The following GPR19 variants were observed in gnomAD, a reference collection of about 807,000 sequenced individuals.
GPR19 encodes the protein probable G protein-coupled receptor 19.
Under a neutral mutation model 28.5 loss-of-function variants are expected in GPR19, and 14 were observed. That is an observed-to-expected ratio of 0.49 (90% CI 0.32 to 0.77). The LOEUF (loss-of-function observed/expected upper bound fraction) is 0.77. Among genes scored for constraint, GPR19 ranks in the 30% least tolerant of loss-of-function variants. The pLI, the probability that GPR19 is intolerant of heterozygous loss-of-function variation, is 0.03. For synonymous variants in GPR19, 173 were observed against 184.1 expected (o/e 0.94, Z 0.49); for missense variants, 409 against 504.1 (o/e 0.81, Z 1.81).
the GPR19 span, among the ~76,000 whole-genome samples, chr12:12,708,088 C>T: frequency 8.1e-5 from 12 of 147,894 alleles, no homozygotes; most frequent in African/African-American, 3.0e-4. Context: ...CAGCCTCAAC[C>T]TCCCTGGCTC....
chr12:12,671,597 C>T (rs1945856103), intron 3 of GPR19, among the ~76,000 whole-genome samples: 1 of 152,146 alleles, frequency 6.6e-6, no homozygotes, highest in South Asian at 2.1e-4. Context: ...GATATGCTTT[C>T]ATGGGAACAT....
chr12:12,699,690 T>G (rs12827030), upstream of GPR19, among the ~76,000 whole-genome samples: 713 of 152,172 alleles, frequency 4.7e-3, 4 homozygotes, highest in Non-Finnish European at 7.3e-3. Context: ...AAGGGCAAAT[T>G]TGGTTTGTGA....
the GPR19 span, chr12:12,716,932 C>A: frequency 1.0e-6 from 1 of 985,120 alleles, no homozygotes; most frequent in Non-Finnish European, 1.2e-6. Context: ...GGGGGCAGCT[C>A]GCCACCCCGG....
At chr12:12,674,570 G>C (rs1467775551) in intron 3 of GPR19, among the ~76,000 whole-genome samples, 1 of 152,180 alleles carries the variant, frequency 6.6e-6, no homozygotes, top group African/African-American at 2.4e-5. Context: ...GAGAGCAAGA[G>C]AGAAAAAGTT....
chr12:12,706,028 G>C, the GPR19 span, among the ~76,000 whole-genome samples: 1 of 152,192 alleles, frequency 6.6e-6, no homozygotes, highest in Admixed American at 6.5e-5. Flanking sequence ...CTGGTTTCCT[G>C]ATCAGAACCC....
At chr12:12,665,033 C>T (rs1414625106) in intron 3 of GPR19, among the ~76,000 whole-genome samples, 1 of 150,892 alleles carries the variant, frequency 6.6e-6, no homozygotes, top group Non-Finnish European at 1.5e-5. Context: ...ATCATCTTTT[C>T]GCCTTCATGT....
At chr12:12,697,162 A>AAAAG (rs938095375), upstream of GPR19, among the ~76,000 whole-genome samples, 2 of 148,254 alleles carry the variant, frequency 1.3e-5, no homozygotes, top group African/African-American at 4.9e-5. Flanking sequence ...GTAAAAAAAA[A>AAAAG]AAAAAAAAAA....
the GPR19 span, chr12:12,715,138 A>C: frequency 6.6e-6 from 1 of 152,214 alleles, no homozygotes; most frequent in Admixed American, 6.5e-5. Flanking sequence ...ATTTACATAC[A>C]TGTGGTAGTT....
At position 12,682,552 on chromosome 12, in the gene GPR19, C is replaced by T. The variant is rs151007024; in HGVS notation, c.-23+1799G>A. Among the ~76,000 whole-genome samples the T allele has an allele frequency of 8.4e-3, 1,286 of 152,268 alleles. 61 individuals are homozygous for T. Among genetic ancestry groups the T allele is most frequent in the Admixed American group, 0.073 (1,116 of 15,286 alleles). On this transcript the variant is annotated intron_variant, in intron 3 of 3. Coordinates refer to ENST00000651487, the MANE Select transcript of GPR19 (RefSeq NM_006143.3). Reference sequence around the variant, plus strand: ...AATCCAAAGAGGAAAGGATACCATCCCTCAAGAAGCTCACTTCATGTGACT... The same window carrying T: ...AATCCAAAGAGGAAAGGATACCATCTCTCAAGAAGCTCACTTCATGTGACT...
At position 12,662,461 on chromosome 12, in the gene GPR19, T is replaced by TC. The variant is rs753769751; in HGVS notation, c.-14dup. ...GAGCAAAAACCATATTCACTTTTTT[T>TC]CTCTTAATTCTGGTTGGGGAAAAGA... is the stretch of plus-strand genomic sequence containing the variant. On this transcript the variant is annotated 5_prime_UTR_variant, in exon 4 of 4. An upstream open reading frame in the 5' UTR loses its in-frame stop. Coordinates refer to ENST00000651487, the MANE Select transcript of GPR19 (RefSeq NM_006143.3). 5.0e-6 allele frequency: 8 copies of TC among 1,608,678 alleles called. No homozygotes were observed. The highest frequency in any genetic ancestry group is 2.2e-5 in the East Asian group (1 of 44,796).
intron 3 of GPR19, among the ~76,000 whole-genome samples, chr12:12,668,344 A>G (rs1473595378): frequency 6.6e-6 from 1 of 152,132 alleles, no homozygotes; most frequent in African/African-American, 2.4e-5. Context: ...AAAAGTCATG[A>G]TTCTAACTTT....
At chr12:12,669,387 G>T (rs1309714925) in intron 3 of GPR19, among the ~76,000 whole-genome samples, 1 of 152,174 alleles carries the variant, frequency 6.6e-6, no homozygotes, top group African/African-American at 2.4e-5. Context: ...GAAAAAATTT[G>T]ATCAATTGTA....
chr12:12,690,804 C>T (rs892065395), intron 2 of GPR19, among the ~76,000 whole-genome samples: 2 of 152,222 alleles, frequency 1.3e-5, no homozygotes, highest in African/African-American at 4.8e-5. Flanking sequence ...CAGATCCAAA[C>T]AGCTGGGAGA....
the GPR19 span, among the ~76,000 whole-genome samples, chr12:12,712,376 G>C: frequency 6.6e-6 from 1 of 152,114 alleles, no homozygotes; most frequent in Non-Finnish European, 1.5e-5. Flanking sequence ...CCAGGCCCAG[G>C]GCCCAGGCTT....
At chr12:12,714,456 CTTAAG>C in the GPR19 span, among the ~76,000 whole-genome samples, 3 of 152,156 alleles carry the variant, frequency 2.0e-5, no homozygotes, top group Non-Finnish European at 4.4e-5. Flanking sequence ...GGTGTTTTCT[CTTAAG>C]TTATTTTGGT....
At position 12,662,278 on chromosome 12, in the gene GPR19, G is replaced by C; in HGVS notation, c.171C>G (p.His57Gln). 6.2e-7 allele frequency: 1 copy of C among 1,614,212 alleles called. No homozygotes were observed. Among genetic ancestry groups the C allele is most frequent in the Non-Finnish European group, 8.5e-7 (1 of 1,180,042 alleles). ...HSWMSNQTDL[H>Q]YVLKPGEVAT... is the part of the protein sequence containing the mutation. ...CCACTTCCCCGGGTTTCAGCACATA[G>C]TGAAGGTCTGTTTGGTTGCTCATCC... Residue 57 changes from histidine to glutamine, a missense_variant, in exon 4 of 4, where the codon CAC becomes CAG. By Grantham distance (24) the His-to-Gln change is conservative. Transcript: ENST00000651487.
At chr12:12,698,937 C>G (rs1374702473), upstream of GPR19, among the ~76,000 whole-genome samples, 3 of 152,004 alleles carry the variant, frequency 2.0e-5, no homozygotes, top group Non-Finnish European at 4.4e-5. Context: ...TACAGTCACT[C>G]CTAACTAATA....
chr12:12,672,984 TG>T (rs1945876014), intron 3 of GPR19, among the ~76,000 whole-genome samples: 1 of 152,040 alleles, frequency 6.6e-6, no homozygotes, highest in Non-Finnish European at 1.5e-5. Context: ...CAAATAAAAA[TG>T]TCAATAATTC....
chr12:12,675,028 C>T (rs1945909860), intron 3 of GPR19, among the ~76,000 whole-genome samples: 2 of 152,078 alleles, frequency 1.3e-5, no homozygotes, highest in South Asian at 4.1e-4. Flanking sequence ...TAAGGTAGAC[C>T]CTCCAGGACC....
Sources: allele counts gnomAD v4.1 joint callset (sites outside exome capture counted in the v4.1 genomes callset), GRCh38; gene constraint gnomAD v4.1.1; transcripts MANE v1.5; gene names NCBI Gene and HGNC (gene_info 2026-07-23, HGNC 2026-07-21).